Variants in SCARF2 observed in about 807,000 individuals in gnomAD.
The protein encoded by SCARF2 is scavenger receptor expressed by endothelial cells 2 protein.
A neutral mutation model predicts 73.4 loss-of-function variants in SCARF2; 39 were observed. The ratio of observed to expected loss-of-function variants is 0.53; its 90% CI spans 0.41 to 0.69. SCARF2 has a LOEUF of 0.69. Among genes scored for constraint, SCARF2 ranks in the 30% least tolerant of loss-of-function variants. The pLI is 0.00. For missense variants in SCARF2, 1,148 were observed against 1,303.5 expected (o/e 0.88, Z 1.84); for synonymous variants, 605 against 590.0 (o/e 1.03, Z -0.37).
Position 20,431,502 on chromosome 22 carries a change from C to A in SCARF2, c.370G>T (p.Glu124Ter). Reference protein sequence around the residue: ...PRQFWGPDCKELCSCHPHGQC... With the variant: ...PRQFWGPDCK ...CCGTGTGGGTGGCAGCTACACAGCT[C>A]CTTGCAGTCGGGGCCCCAGAACTGG... The change falls in exon 4 of 11, where the codon GAG becomes TAG. Residue 124 changes from glutamate (E) to a stop codon, truncating the protein, a stop_gained. Transcript: ENST00000622235. LOFTEE classifies it high-confidence loss of function. 2 of 1,577,916 alleles carry A rather than the reference C, an allele frequency of 1.3e-6. No homozygotes were observed. The highest frequency in any genetic ancestry group is 1.7e-6 in the Non-Finnish European group (2 of 1,170,480).
rs758276464 is a variant in SCARF2 at position 20,426,120 on chromosome 22, C to G, written c.1856G>C (p.Gly619Ala). ...GGCCACGCGCGCGTACAGAGCCCCT[C>G]CGGGCCCCTCCACGCTGGACGCCGA... ...ERSASSVEGP[G>A]GALYARVARR... Residue 619 changes from glycine (G) to alanine (A), a missense_variant, in exon 11 of 11, where the codon GGA becomes GCA. Gly to Ala is a moderately conservative substitution (Grantham distance 60). Transcript: ENST00000622235. The G allele has an allele frequency of 4.1e-6, 6 of 1,474,062 alleles. No homozygotes were observed. The East Asian group carries it at 1.3e-4, about 32-fold the overall frequency. 91.3% of individuals were successfully genotyped at this position (1,474,062 alleles called of 1,614,324 possible). A position where few individuals can be genotyped will look rare whatever the true frequency, so the allele number is the denominator to read the frequency against.
chr22:20,434,318 G>A (rs1171370846), intron 1 of SCARF2, among the ~76,000 whole-genome samples: 1 of 152,156 alleles, frequency 6.6e-6, no homozygotes, highest in East Asian at 1.9e-4. Flanking sequence ...AGATAGGAGA[G>A]AGAGAGAGAC....
In SCARF2 at chr22:20,425,745, C is replaced by T. The variant is rs1281268302; in HGVS notation, c.2231G>A (p.Arg744Gln). The change falls in exon 11 of 11, where the codon CGG becomes CAG. Residue 744 changes from arginine (R) to glutamine (Q), a missense_variant. Physicochemically the swap from Arg to Gln is conservative, Grantham distance 43 (BLOSUM62 1). Around this residue, in one of 5 missense-constraint regions of SCARF2, gnomAD observed 46 missense variants for 80.6 expected, o/e 0.57. Transcript: ENST00000622235. This position sits in a 1 kb window ranked among gnomAD's most constrained non-coding sequence, Gnocchi z 4.6. ...CTCCAAGAGGCCGGGGCCGCGGCCC[C>T]GCGCTCGGGCCCTGGGCGGCGAGGG... ...AAPSPPRARA[R>Q]GRGPGLLEPT... is the part of the protein sequence containing the mutation. 8.1e-5 allele frequency: 100 copies of T among 1,234,876 alleles called. No individual in the cohort carries two copies. Among genetic ancestry groups the T allele is most frequent in the Non-Finnish European group, 9.9e-5 (98 of 993,072 alleles). 76.5% of individuals were successfully genotyped at this position (1,234,876 alleles called of 1,614,324 possible).
chr22:20,429,700 T>G lies in SCARF2; in HGVS notation c.1306+30A>C. The G allele has an allele frequency of 6.2e-7, 1 of 1,613,970 alleles. No individual in the cohort carries two copies. The highest frequency in any genetic ancestry group is 1.6e-4 in the Middle Eastern group (1 of 6,062). ...GCGCGGTTTCTGGCACCCCCTGCAT[T>G]CCTTAACGGGACGCCCCTCATCCAC... On this transcript the variant is annotated intron_variant, in intron 7 of 10. Transcript: ENST00000622235. This position sits in a 1 kb window ranked among gnomAD's most constrained non-coding sequence, Gnocchi z 5.2.
In SCARF2 at chr22:20,431,581, G is replaced by C; in HGVS notation, c.335-44C>G. 3 of 1,548,262 alleles carry C rather than the reference G, an allele frequency of 1.9e-6. No individual in the cohort carries two copies. The African/African-American group carries it at 4.1e-5, about 21-fold the overall frequency. ...GGGGGTGGAAGGCCCCGGTGCTTGAGTAGGTGCCCCCAGCCAGCCGGAACC... is the reference window on the plus strand; with the variant it reads ...GGGGGTGGAAGGCCCCGGTGCTTGACTAGGTGCCCCCAGCCAGCCGGAACC... On this transcript the variant is annotated intron_variant, in intron 3 of 10. Transcript: ENST00000622235.
chr22:20,425,355 C>T lies in SCARF2; in HGVS notation c.*20G>A. 1.5e-6 allele frequency: 2 copies of T among 1,377,586 alleles called. No homozygotes were observed. Among genetic ancestry groups the T allele is most frequent in the Non-Finnish European group, 1.9e-6 (2 of 1,059,652 alleles). 85.3% of individuals were successfully genotyped at this position (1,377,586 alleles called of 1,614,324 possible). On this transcript the variant is annotated 3_prime_UTR_variant, in exon 11 of 11. Transcript: ENST00000622235. This position sits in a 1 kb window ranked among gnomAD's most constrained non-coding sequence, Gnocchi z 4.6. ...GCGCTGCGAAGCTGAGGGAGCTGCGCGCGGACGAGCCACAGCCTGCTACAG... is the reference window on the plus strand; with the variant it reads ...GCGCTGCGAAGCTGAGGGAGCTGCGTGCGGACGAGCCACAGCCTGCTACAG...
chr22:20,436,189 C>T (rs555035839), intron 1 of SCARF2, among the ~76,000 whole-genome samples: 1 of 152,364 alleles, frequency 6.6e-6, no homozygotes, highest in African/African-American at 2.4e-5. Context: ...AACCCAAACC[C>T]AGGCTCGGTT....
Position 20,429,157 on chromosome 22 carries a change from A to G in SCARF2, c.1540+68T>C. On this transcript the variant is annotated intron_variant, in intron 9 of 10. Coordinates refer to ENST00000622235, the MANE Select transcript of SCARF2 (RefSeq NM_182895.5). The surrounding 1 kb of genome is among the most constrained non-coding windows in gnomAD (Gnocchi z 5.2). ...CTCACTGAGATCTGGACCCCCTCAC[A>G]CCCATTTCCCAGCAGCTTCCTGCGT... 2 of 1,600,536 alleles carry G rather than the reference A, an allele frequency of 1.2e-6. No homozygotes were observed. Among genetic ancestry groups the G allele is most frequent in the Non-Finnish European group, 8.6e-7 (1 of 1,169,036 alleles).
rs936763179 is a variant in SCARF2, at chr22:20,424,979, C to A, written c.*396G>T. On this transcript the variant is annotated 3_prime_UTR_variant, in exon 11 of 11. Coordinates refer to ENST00000622235, the MANE Select transcript of SCARF2 (RefSeq NM_182895.5). ...GCACCAGGCCCTAGCGGGGGAGAGGCAGCCCGGGCAGAAGTGCCTCTGGCT... is the reference window on the plus strand; with the variant it reads ...GCACCAGGCCCTAGCGGGGGAGAGGAAGCCCGGGCAGAAGTGCCTCTGGCT... The A allele has an allele frequency of 6.8e-5, 12 of 177,152 alleles. No homozygotes were observed. Among genetic ancestry groups the A allele is most frequent in the Non-Finnish European group, 1.3e-4 (11 of 84,954 alleles). The allele number at this position is 177,152 out of a possible 1,614,324, so 11.0% of individuals were successfully genotyped here.
At position 20,437,617 on chromosome 22, in the gene SCARF2, C is replaced by A; in HGVS notation, c.138G>T (p.Leu46=). The change falls in exon 1 of 11, where the codon CTG becomes CTT. Residue 46 remains leucine (L), a synonymous_variant. Coordinates refer to ENST00000622235, the MANE Select transcript of SCARF2 (RefSeq NM_182895.5). The stretch of plus-strand genomic sequence containing the variant: ...GGCACACGTTGCGGCCGCGAGGGTT[C>A]AGTTCCTGAGGCGCCACGGTGTCCG... ...MLPDTVAPQE[L]NPRGRNVCRA... 1 of 1,570,544 alleles carries A rather than the reference C, an allele frequency of 6.4e-7. No homozygotes were observed.
chr22:20,431,455 G>A lies in SCARF2; in HGVS notation c.417C>T (p.Gly139=), dbSNP rs997415176. The part of the protein sequence containing the change: ...HPHGQCEDVT[G]QCTCHARRWG... Reference sequence around the variant, plus strand: ...AGCGCCGCGCGTGACAAGTACACTGGCCTGTCACGTCCTCGCACTGCCCGT... The same window carrying A: ...AGCGCCGCGCGTGACAAGTACACTGACCTGTCACGTCCTCGCACTGCCCGT... The change falls in exon 4 of 11, where the codon GGC becomes GGT. Residue 139 remains glycine (G), a synonymous_variant. Coordinates refer to ENST00000622235, the MANE Select transcript of SCARF2 (RefSeq NM_182895.5). 4 of 1,560,330 alleles carry A rather than the reference G, an allele frequency of 2.6e-6. No homozygotes were observed. The highest frequency in any genetic ancestry group is 3.4e-6 in the Non-Finnish European group (4 of 1,161,558).
chr22:20,426,348 C>T, intron 10 of SCARF2, 66 bp from the exon 11 acceptor site: 2 of 1,505,016 alleles, frequency 1.3e-6, no homozygotes, highest in Non-Finnish European at 1.8e-6. Context: ...AACCTCCAGG[C>T]GCAAACCTTC....
chr22:20,427,670 A>G, intron 9 of SCARF2, 120 bp from the exon 10 acceptor site: 1 of 1,142,796 alleles, frequency 8.8e-7, no homozygotes, highest in African/African-American at 1.5e-5. Context: ...CTTGGACTGC[A>G]GGGGGCACAG....
chr22:20,429,729 C>T lies in SCARF2; in HGVS notation c.1306+1G>A. 1 of 1,613,920 alleles carries T rather than the reference C, an allele frequency of 6.2e-7. No homozygotes were observed. Among genetic ancestry groups the T allele is most frequent in the Non-Finnish European group, 8.5e-7 (1 of 1,179,944 alleles). On this transcript the variant is annotated splice_donor_variant, in intron 7 of 10. Transcript: ENST00000622235. LOFTEE classifies it high-confidence loss of function. The surrounding 1 kb of genome is among the most constrained non-coding windows in gnomAD (Gnocchi z 5.2). ...TAACGGGACGCCCCTCATCCACTTA[C>T]CTAGGTGGCAGGCACCAGTGACCGG... is the stretch of plus-strand genomic sequence containing the variant.
At position 20,431,341 on chromosome 22, in the gene SCARF2, C is replaced by G; in HGVS notation, c.531G>C (p.Trp177Cys). ...AGCACGCGCTGGCGCACTGCGCGCC[C>G]CACCAGCCGGGCTCACAGCGGCACG... ...SGACRCEPGW[W>C]GAQCASACYC... The change falls in exon 4 of 11, where the codon TGG becomes TGC. Residue 177 changes from tryptophan to cysteine, a missense_variant. By Grantham distance (215) the Trp-to-Cys change is radical. Transcript: ENST00000622235. 1 of 1,507,138 alleles carries G rather than the reference C, an allele frequency of 6.6e-7. No individual in the cohort carries two copies. The highest frequency in any genetic ancestry group is 8.8e-7 in the Non-Finnish European group (1 of 1,135,960). 93.4% of individuals were successfully genotyped at this position (1,507,138 alleles called of 1,614,324 possible). A position where few individuals can be genotyped will look rare whatever the true frequency, so the allele number is the denominator to read the frequency against.
chr22:20,435,385 C>T (rs2052689289), intron 1 of SCARF2, among the ~76,000 whole-genome samples: 1 of 152,186 alleles, frequency 6.6e-6, no homozygotes. Flanking sequence ...CTTCCACCCC[C>T]TGCCCCCCAG....
chr22:20,427,387 G>T lies in SCARF2; in HGVS notation c.1693+11C>A. ...TGGGCTGGAGTGATGCCCAGGTAGG[G>T]CCTTACTTACCCTCATGGGGTACAC... On this transcript the variant is annotated intron_variant, in intron 10 of 10. Transcript: ENST00000622235. 1 of 1,614,080 alleles carries T rather than the reference G, an allele frequency of 6.2e-7. No homozygotes were observed. The highest frequency in any genetic ancestry group is 1.1e-5 in the South Asian group (1 of 91,074).
rs2052555037 is a variant in SCARF2 at position 20,424,956 on chromosome 22, A to T, written c.*419T>A. ...AGGGAGGGAGCCTCCAGCCAGAGGC[A>T]CCAGGCCCTAGCGGGGGAGAGGCAG... On this transcript the variant is annotated 3_prime_UTR_variant, in exon 11 of 11. Coordinates refer to ENST00000622235, the MANE Select transcript of SCARF2 (RefSeq NM_182895.5). The T allele has an allele frequency of 1.2e-5, 2 of 163,984 alleles. No homozygotes were observed. Among genetic ancestry groups the T allele is most frequent in the African/African-American group, 2.4e-5 (1 of 42,000 alleles). The allele number at this position is 163,984 out of a possible 1,614,324, so 10.2% of individuals were successfully genotyped here.
Position 20,437,667 on chromosome 22 carries a change from G to T in SCARF2, c.88C>A (p.Leu30Met). ...GGCAGCATCCAGAGCAGCAGCAGCA[G>T]CAGCAGCGACGGCAGCAGCGGTGAC... ...PPSPLLPSLL[L>M]LLLLWMLPDT... Residue 30 changes from leucine (L) to methionine (M), a missense_variant, in exon 1 of 11, where the codon CTG becomes ATG. This residue lies in a region of SCARF2 where 124 missense variants were observed against 120.4 expected (regional missense o/e 1.03). Transcript: ENST00000622235. The T allele has an allele frequency of 6.6e-7, 1 of 1,519,990 alleles. No individual in the cohort carries two copies. 94.2% of individuals were successfully genotyped at this position (1,519,990 alleles called of 1,614,324 possible).
Sources: allele counts gnomAD v4.1 joint callset (sites outside exome capture counted in the v4.1 genomes callset), GRCh38; gene constraint gnomAD v4.1.1; regional missense constraint gnomAD v4.1.1; non-coding constraint Gnocchi (gnomAD v3.1); transcripts MANE v1.5; gene names NCBI Gene and HGNC (gene_info 2026-07-23, HGNC 2026-07-21).